Variants in PPP1R9A observed in about 807,000 individuals in gnomAD.
PPP1R9A encodes protein phosphatase 1 regulatory subunit 9A, also known as neurabin-1.
In PPP1R9A, 59 loss-of-function variants were observed where a neutral mutation model predicts 141.9. The observed-to-expected ratio is 0.42, with a 90% CI of 0.34 to 0.52. PPP1R9A has a LOEUF of 0.52. Among genes scored for constraint, PPP1R9A ranks in the 20% least tolerant of loss-of-function variants. The probability of loss-of-function intolerance (pLI) is 0.10; values close to 1 mark genes in which losing one functional copy is unlikely to be tolerated. For synonymous variants in PPP1R9A, 500 were observed against 569.7 expected, an observed-to-expected ratio of 0.88 and a Z score of 1.74; for missense variants, 1,444 against 1,611.9, an observed-to-expected ratio of 0.90 and a Z score of 1.78.
chr7:94,953,172 T>G (rs1367661512), intron 2 of PPP1R9A, among the ~76,000 whole-genome samples: 1 of 152,046 alleles, frequency 6.6e-6, no homozygotes, highest in East Asian at 1.9e-4. Context: ...AGTTTTCTGC[T>G]TATGGCTAGC....
chr7:95,193,341 T>C (rs968875324), intron 5 of PPP1R9A, among the ~76,000 whole-genome samples: 3 of 152,134 alleles, frequency 2.0e-5, no homozygotes, highest in African/African-American at 7.2e-5. Context: ...GTCTGTCTTA[T>C]GCGCAATTAT....
rs562703767 is a variant in PPP1R9A at position 94,913,468 on chromosome 7, T to C, written c.1395+1960T>C. On this transcript the variant is annotated intron_variant, in intron 2 of 19. Transcript: ENST00000433360. ...CAAGAATAAGATTTCTAAAACAAAT[T>C]AGATCAAGCATAAGACTTGTGAAAC... Among the ~76,000 whole-genome samples the C allele has an allele frequency of 2.4e-3, 363 of 152,282 alleles. 1 individual carries two copies. Among genetic ancestry groups the C allele is most frequent in the Middle Eastern group, 6.8e-3 (2 of 294 alleles).
At position 95,286,264 on chromosome 7, in the gene PPP1R9A, G is replaced by C. The variant is rs200057055; in HGVS notation, c.3668G>C (p.Gly1223Ala). ...PSSTSSADLSGLGAEPKTPGL... is the reference protein window; with the variant it reads ...PSSTSSADLSALGAEPKTPGL... Reference sequence around the variant, plus strand: ...AGTACCAGTTCAGCAGACCTCAGCGGCTTAGGAGCAGAACCTAAAACACCA... The same window carrying C: ...AGTACCAGTTCAGCAGACCTCAGCGCCTTAGGAGCAGAACCTAAAACACCA... Residue 1223 changes from glycine (G) to alanine (A), a missense_variant, in exon 18 of 20, where the codon GGC becomes GCC. This residue lies in a region of PPP1R9A where 459 missense variants were observed against 513.8 expected (regional missense o/e 0.89). Transcript: ENST00000433360. 1.2e-6 allele frequency: 2 copies of C among 1,613,664 alleles called. No individual in the cohort carries two copies. The highest frequency in any genetic ancestry group is 2.2e-5 in the East Asian group (1 of 44,868).
At chr7:94,993,013 GTTTTAC>G (rs1235618980) in intron 2 of PPP1R9A, among the ~76,000 whole-genome samples, 1 of 150,972 alleles carries the variant, frequency 6.6e-6, no homozygotes, top group East Asian at 1.9e-4. Context: ...TGTAGTTTTA[GTTTTAC>G]TTTTAAGTAT....
chr7:95,185,311 G>C (rs1406985755), intron 5 of PPP1R9A, among the ~76,000 whole-genome samples: 1 of 151,360 alleles, frequency 6.6e-6, no homozygotes, highest in African/African-American at 2.4e-5. Flanking sequence ...TCATACATTT[G>C]TTAGCCACTT....
chr7:94,922,729 A>G (rs549329275), intron 2 of PPP1R9A, among the ~76,000 whole-genome samples: 1 of 152,258 alleles, frequency 6.6e-6, no homozygotes, highest in South Asian at 2.1e-4. Flanking sequence ...ATACATCAAA[A>G]TGTCAACTCT....
intron 4 of PPP1R9A, among the ~76,000 whole-genome samples, chr7:95,143,688 T>TAGG (rs1396255823): frequency 6.6e-6 from 1 of 152,146 alleles, no homozygotes; most frequent in Non-Finnish European, 1.5e-5. Flanking sequence ...CTTGGCTTAG[T>TAGG]AGGAGGCTAA....
At chr7:95,274,219 G>C in intron 16 of PPP1R9A, 51 bp downstream of exon 16, 1 of 1,437,766 alleles carries the variant, frequency 7.0e-7, no homozygotes, top group South Asian at 1.3e-5. Context: ...AAACTTTCTG[G>C]CCCCCTCTTC....
intron 14 of PPP1R9A, among the ~76,000 whole-genome samples, chr7:95,271,663 A>G (rs705375): frequency 0.37 from 56,318 of 152,002 alleles, 11,082 homozygotes; most frequent in Middle Eastern, 0.5. Context: ...GCAGTCCAGT[A>G]CAAGACCTTA....
At chr7:95,275,964 A>G (rs77970410) in intron 16 of PPP1R9A, among the ~76,000 whole-genome samples, 1 of 152,376 alleles carries the variant, frequency 6.6e-6, no homozygotes, top group African/African-American at 2.4e-5. Flanking sequence ...ATCTGAGGCT[A>G]TATGCATCTC....
chr7:94,948,823 G>A (rs1796158168), intron 2 of PPP1R9A, among the ~76,000 whole-genome samples: 1 of 152,120 alleles, frequency 6.6e-6, no homozygotes, highest in Non-Finnish European at 1.5e-5. Context: ...TAAACAGAGA[G>A]CTCTGGGGAC....
chr7:95,247,558 C>T (rs751240640), intron 9 of PPP1R9A, 32 bp downstream of exon 9: 2 of 1,538,602 alleles, frequency 1.3e-6, no homozygotes, highest in African/African-American at 1.4e-5. Flanking sequence ...TTGAATTTTA[C>T]TTTTTAAACT....
chr7:95,088,063 G>A (rs1408540940), intron 2 of PPP1R9A, among the ~76,000 whole-genome samples: 1 of 151,950 alleles, frequency 6.6e-6, no homozygotes, highest in East Asian at 1.9e-4. Flanking sequence ...ACACTATATT[G>A]TTTGAGCTTT....
chr7:95,207,953 A>G (rs1791202023), intron 7 of PPP1R9A, among the ~76,000 whole-genome samples: 1 of 152,200 alleles, frequency 6.6e-6, no homozygotes, highest in Non-Finnish European at 1.5e-5. Context: ...TGTATAAAAT[A>G]GGACAAAGAA....
At chr7:94,930,509 T>C (rs927884356) in intron 2 of PPP1R9A, among the ~76,000 whole-genome samples, 1 of 152,112 alleles carries the variant, frequency 6.6e-6, no homozygotes, top group Admixed American at 6.5e-5. Flanking sequence ...TGGCTAATTT[T>C]TGTATTTTTA....
At chr7:94,991,801 A>G (rs967194619) in intron 2 of PPP1R9A, among the ~76,000 whole-genome samples, 1 of 152,012 alleles carries the variant, frequency 6.6e-6, no homozygotes, top group Non-Finnish European at 1.5e-5. Context: ...ACAGGTTCAC[A>G]CCAAGACACC....
intron 2 of PPP1R9A, among the ~76,000 whole-genome samples, chr7:94,929,711 T>A (rs578082937): frequency 1.6e-3 from 243 of 152,086 alleles, no homozygotes; most frequent in Non-Finnish European, 3.1e-3. Flanking sequence ...ATTTGTATAT[T>A]AGAAAACCAC....
intron 4 of PPP1R9A, among the ~76,000 whole-genome samples, chr7:95,121,048 C>T (rs1273884902): frequency 1.3e-5 from 2 of 152,138 alleles, no homozygotes; most frequent in Non-Finnish European, 2.9e-5. Context: ...GTGGGCAGAT[C>T]TATCAGTCTA....
chr7:95,225,991 G>A lies in PPP1R9A; in HGVS notation c.1987G>A (p.Asp663Asn). 2 of 1,611,638 alleles carry A rather than the reference G, an allele frequency of 1.2e-6. No individual in the cohort carries two copies. Among genetic ancestry groups the A allele is most frequent in the South Asian group, 1.1e-5 (1 of 90,880 alleles). The change falls in exon 8 of 20, where the codon GAT (aspartate) becomes AAT (asparagine). Residue 663 changes from aspartate to asparagine, a missense_variant. Physicochemically the swap from Asp to Asn is conservative, Grantham distance 23 (BLOSUM62 1). Around this residue, in one of 5 missense-constraint regions of PPP1R9A, gnomAD observed 488 missense variants for 542.0 expected, o/e 0.90. Transcript: ENST00000433360. ...AGAATATGCCACAGATGAAGAAGAA[G>A]ATGAGGTAGGACCTGTCCTTCCTGG... is the stretch of plus-strand genomic sequence containing the variant. ...TGEYATDEEEDEVGPVLPGSD... is the reference protein window; with the variant it reads ...TGEYATDEEENEVGPVLPGSD...
Sources: allele counts gnomAD v4.1 joint callset (sites outside exome capture counted in the v4.1 genomes callset), GRCh38; gene constraint gnomAD v4.1.1; regional missense constraint gnomAD v4.1.1; transcripts MANE v1.5; gene names NCBI Gene and HGNC (gene_info 2026-07-23, HGNC 2026-07-21).